USH2A: variants seen among roughly 807,000 people sequenced by gnomAD.
The protein encoded by USH2A is Usher syndrome 2A (autosomal recessive, mild).
A neutral mutation model predicts 538.9 loss-of-function variants in USH2A; 443 were observed. The observed-to-expected ratio is 0.82, with a 90% CI of 0.76 to 0.89. The LOEUF is 0.89. Ranked by LOEUF, USH2A falls within the 40% of genes least tolerant of loss-of-function variation. The pLI is 0.00. For synonymous variants in USH2A, 2,413 were observed against 2,273.5 expected (o/e 1.06, Z -1.75); for missense variants, 6,633 against 6,324.8 (o/e 1.05, Z -1.65).
chr1:215,814,136 AATAC>A, intron 48 of USH2A, among the ~76,000 whole-genome samples: 1 of 148,266 alleles, frequency 6.7e-6, no homozygotes, highest in African/African-American at 2.4e-5. Context: ...GCTCTATTAT[AATAC>A]TATATAATAT....
chr1:216,138,753 G>C (rs1306621561), intron 21 of USH2A, among the ~76,000 whole-genome samples: 1 of 152,102 alleles, frequency 6.6e-6, no homozygotes, highest in African/African-American at 2.4e-5. Context: ...AAAGAAAAGG[G>C]CTGGGCATGC....
chr1:216,311,587 C>T (rs1490229387), intron 9 of USH2A, among the ~76,000 whole-genome samples: 3 of 151,870 alleles, frequency 2.0e-5, no homozygotes, highest in Non-Finnish European at 2.9e-5. Flanking sequence ...GAGAGGGGCG[C>T]GGTGGGGTTG....
chr1:215,865,255 A>G (rs17025517), intron 44 of USH2A, among the ~76,000 whole-genome samples: 4,454 of 152,276 alleles, frequency 0.029, 136 homozygotes, highest in South Asian at 0.15. Context: ...TTGTGCTCAC[A>G]AATAGTTATC....
At chr1:216,341,506 A>G (rs765629327) in intron 4 of USH2A, among the ~76,000 whole-genome samples, 2 of 152,194 alleles carry the variant, frequency 1.3e-5, no homozygotes, top group Non-Finnish European at 2.9e-5. Context: ...TTTAAATTTC[A>G]TATGGAAATA....
At chr1:216,389,157 A>T (rs1014166809) in intron 3 of USH2A, among the ~76,000 whole-genome samples, 18 of 152,204 alleles carry the variant, frequency 1.2e-4, no homozygotes, top group Admixed American at 1.0e-3. Flanking sequence ...ATAAATGCTA[A>T]GTTTTCCCAC....
At chr1:215,954,018 C>T (rs964527206) in intron 37 of USH2A, among the ~76,000 whole-genome samples, 32 of 152,264 alleles carry the variant, frequency 2.1e-4, no homozygotes, top group Non-Finnish European at 2.9e-4. Flanking sequence ...AATGAGATAC[C>T]ATCTGACACC....
intron 31 of USH2A, 55 bp from the exon 32 acceptor site, chr1:216,046,647 C>A (rs1342009640): frequency 6.3e-7 from 1 of 1,595,742 alleles, no homozygotes; most frequent in Non-Finnish European, 8.6e-7. Flanking sequence ...CTAATTCAAA[C>A]TTTTCAGACC....
At chr1:215,915,020 G>A (rs975797777) in intron 38 of USH2A, among the ~76,000 whole-genome samples, 1 of 152,124 alleles carries the variant, frequency 6.6e-6, no homozygotes, top group Non-Finnish European at 1.5e-5. Flanking sequence ...ATGCTGGGCA[G>A]TTATTGTACA....
chr1:215,793,720 C>T (rs1662044877), intron 50 of USH2A, among the ~76,000 whole-genome samples: 1 of 152,160 alleles, frequency 6.6e-6, no homozygotes. Flanking sequence ...ATTTGTTCTA[C>T]TGAAGTCAGA....
intron 61 of USH2A, among the ~76,000 whole-genome samples, chr1:215,711,068 AAT>A (rs1454014150): frequency 2.0e-5 from 3 of 152,140 alleles, no homozygotes; most frequent in Non-Finnish European, 4.4e-5. Context: ...TAAGAGAGAT[AAT>A]GTTATTTACA....
intron 3 of USH2A, among the ~76,000 whole-genome samples, chr1:216,399,979 C>A (rs1382173876): frequency 6.6e-6 from 1 of 151,996 alleles, no homozygotes; most frequent in African/African-American, 2.4e-5. Context: ...GAGTCTCATA[C>A]TACGATACCC....
intron 21 of USH2A, among the ~76,000 whole-genome samples, chr1:216,100,111 G>C (rs2032542888): frequency 6.6e-6 from 1 of 152,188 alleles, no homozygotes; most frequent in Admixed American, 6.5e-5. Context: ...TTAGTTAACT[G>C]TGTAAACACT....
chr1:216,088,912 G>T (rs2032214446), intron 23 of USH2A, 101 bp downstream of exon 23: 2 of 1,549,900 alleles, frequency 1.3e-6, no homozygotes, highest in African/African-American at 1.4e-5. Context: ...GAATTGAGTA[G>T]AAATTATGGT....
chr1:216,157,037 C>A (rs1040927950), intron 21 of USH2A, among the ~76,000 whole-genome samples: 1 of 152,014 alleles, frequency 6.6e-6, no homozygotes, highest in African/African-American at 2.4e-5. Flanking sequence ...CCATGCCCAG[C>A]TAATTTTTGT....
chr1:215,866,402 C>A (rs1280180797), intron 44 of USH2A, among the ~76,000 whole-genome samples: 1 of 152,124 alleles, frequency 6.6e-6, no homozygotes. Flanking sequence ...GTGTTCCCAG[C>A]AGGTCCAGGG....
intron 38 of USH2A, among the ~76,000 whole-genome samples, chr1:215,924,694 G>A (rs1666191705): frequency 2.0e-5 from 3 of 151,612 alleles, no homozygotes; most frequent in Admixed American, 2.0e-4. Flanking sequence ...TTTTAAAAAT[G>A]TGAGTTAGAA....
intron 58 of USH2A, among the ~76,000 whole-genome samples, chr1:215,744,317 C>G (rs540879785): frequency 6.6e-6 from 1 of 152,284 alleles, no homozygotes; most frequent in South Asian, 2.1e-4. Flanking sequence ...CCATTCCTTC[C>G]TAAAGAAAGT....
intron 69 of USH2A, among the ~76,000 whole-genome samples, chr1:215,635,736 A>G (rs1326497582): frequency 1.3e-5 from 2 of 151,742 alleles, no homozygotes; most frequent in African/African-American, 4.8e-5. Context: ...TTGTATTTTT[A>G]GTAGAGATGG....
At chr1:215,836,498 A>ATAATAT (rs1491303511) in intron 47 of USH2A, among the ~76,000 whole-genome samples, 646 of 17,756 alleles carry the variant, frequency 0.036, 48 homozygotes, top group African/African-American at 0.098. Context: ...TTATATATAT[A>ATAATAT]ATATATATTA....
Sources: gnomAD v4.1 joint callset for allele counts (sites outside exome capture counted in the v4.1 genomes callset) on GRCh38, gnomAD v4.1.1 for gene constraint, MANE v1.5 for transcripts, NCBI Gene and HGNC (gene_info 2026-07-23, HGNC 2026-07-21) for gene names.